Variants in CELSR3 observed in about 807,000 individuals in gnomAD.
The protein encoded by CELSR3 is cadherin EGF LAG seven-pass G-type receptor 3, also known as EGF-like protein 1.
Under a neutral mutation model 270.0 loss-of-function variants are expected in CELSR3, and 73 were observed. The ratio of observed to expected loss-of-function variants is 0.27; its 90% confidence interval spans 0.22 to 0.33. The LOEUF (loss-of-function observed/expected upper bound fraction) is 0.33. Among genes scored for constraint, CELSR3 ranks in the 10% least tolerant of loss-of-function variants. CELSR3 has a pLI of 1.00. For missense variants in CELSR3, 3,614 were observed against 4,533.8 expected, an observed-to-expected ratio of 0.80 and a Z score of 5.83; for synonymous variants, 1,780 against 1,905.4, an observed-to-expected ratio of 0.93 and a Z score of 1.71.
Position 48,637,610 on chromosome 3 carries a change from A to C in CELSR3, c.*595T>G, listed in dbSNP as rs2046983894. 6.5e-6 allele frequency: 1 copy of C among 154,434 alleles called. No individual in the cohort carries two copies. Among genetic ancestry groups the C allele is most frequent in the Admixed American group, 6.3e-5 (1 of 15,776 alleles). 9.6% of individuals were successfully genotyped at this position (154,434 alleles called of 1,614,324 possible). ...CTCCACATAATAAACACACACATCC[A>C]CCAGGAGGGGCGGTATGAGCAAGCC... On this transcript the variant is annotated 3_prime_UTR_variant, in exon 35 of 35. Transcript: ENST00000164024.
At position 48,648,392 on chromosome 3, in the gene CELSR3, G is replaced by C; in HGVS notation, c.6847C>G (p.Arg2283Gly). 1.9e-6 allele frequency: 3 copies of C among 1,609,556 alleles called. No individual in the cohort carries two copies. Among genetic ancestry groups the C allele is most frequent in the Non-Finnish European group, 2.5e-6 (3 of 1,178,720 alleles). Residue 2283 changes from arginine to glycine, a missense_variant, in exon 19 of 35, where the codon CGG (arginine) becomes GGG (glycine). Around this residue, in one of 7 missense-constraint regions of CELSR3, gnomAD observed 1,331 missense variants for 1,933.7 expected, o/e 0.69. Coordinates refer to ENST00000164024, the MANE Select transcript of CELSR3 (RefSeq NM_001407.3). ...TGDLWAALGQ[R>G]APGGSPGSAG... ...CTGCCTGGGGAGCCCCCAGGGGCCC[G>C]CTGCCCCAGCGCCGCCCACAAGTCC...
In CELSR3 at chr3:48,652,499, C is replaced by T. The variant is rs763746044; in HGVS notation, c.5689G>A (p.Val1897Met). The change falls in exon 11 of 35, where the codon GTG (valine) becomes ATG (methionine). Residue 1897 changes from valine (V) to methionine (M), a missense_variant. By Grantham distance (21) the Val-to-Met change is conservative. This residue lies in a region of CELSR3 where 1,331 missense variants were observed against 1,933.7 expected (regional missense o/e 0.69). Transcript: ENST00000164024. The surrounding 1 kb of genome is among the most constrained non-coding windows in gnomAD (Gnocchi z 4.3). ...GCACTGCCGGGGGGCAGGCCTCCCACGTGGAGCTGCTTTACCTTCAGGCCC... is the reference window on the plus strand; with the variant it reads ...GCACTGCCGGGGGGCAGGCCTCCCATGTGGAGCTGCTTTACCTTCAGGCCC... ...LQGLKVKQLH[V>M]GGLPPGSAEE... is the part of the protein sequence containing the mutation. 14 of 1,613,538 alleles carry T rather than the reference C, an allele frequency of 8.7e-6. No individual in the cohort carries two copies. The East Asian group carries it at 1.3e-4, about 15-fold the overall frequency.
At position 48,642,884 on chromosome 3, in the gene CELSR3, C is replaced by T; in HGVS notation, c.8407G>A (p.Gly2803Arg). The change falls in exon 30 of 35, where the codon GGA becomes AGA. Residue 2803 changes from glycine (G) to arginine (R), a missense_variant and splice_region_variant. By Grantham distance (125) the Gly-to-Arg change is moderately radical. Around this residue, in one of 7 missense-constraint regions of CELSR3, gnomAD observed 1,240 missense variants for 1,351.7 expected, o/e 0.92. Coordinates refer to ENST00000164024, the MANE Select transcript of CELSR3 (RefSeq NM_001407.3). This position sits in a 1 kb window ranked among gnomAD's most constrained non-coding sequence, Gnocchi z 6.1. ...GCCGTGTTGTTGTAGGCCCCAGGTC[C>T]CTGGGGGTGGTAGGGACAGAGTGTG... ...PEEARPAPGL[G>R]PGAYNNTALF... The T allele has an allele frequency of 6.2e-7, 1 of 1,613,006 alleles. No homozygotes were observed. Among genetic ancestry groups the T allele is most frequent in the Non-Finnish European group, 8.5e-7 (1 of 1,179,892 alleles).
chr3:48,656,398 G>T (rs2077022477), intron 2 of CELSR3, 33 bp from the exon 3 acceptor site: 1 of 1,387,644 alleles, frequency 7.2e-7, no homozygotes, highest in Non-Finnish European at 9.3e-7. Context: ...AGGCGGTCAC[G>T]CCCACGCCCG....
In CELSR3 at chr3:48,650,505, T is replaced by G; in HGVS notation, c.6447A>C (p.Thr2149=). 4 of 1,519,710 alleles carry G rather than the reference T, an allele frequency of 2.6e-6. No individual in the cohort carries two copies. The East Asian group carries it at 1.1e-4, about 41-fold the overall frequency. The allele number at this position is 1,519,710 out of a possible 1,614,324, so 94.1% of individuals were successfully genotyped here. ...WPQTKFGVLA[T]VPCPRGALGA... ...CCAGGGCCCCCCGGGGACAGGGCAC[T>G]GTGGCCAGGACGCCAAACTTTGTCT... The change falls in exon 16 of 35, where the codon ACA becomes ACC. Residue 2149 remains threonine, a synonymous_variant. Transcript: ENST00000164024. This position sits in a 1 kb window ranked among gnomAD's most constrained non-coding sequence, Gnocchi z 5.1.
Position 48,651,187 on chromosome 3 carries a change from G to T in CELSR3, c.6187-112C>A. 7.0e-7 allele frequency: 1 copy of T among 1,432,004 alleles called. No homozygotes were observed. Among genetic ancestry groups the T allele is most frequent in the Non-Finnish European group, 9.6e-7 (1 of 1,044,120 alleles). 88.7% of individuals were successfully genotyped at this position (1,432,004 alleles called of 1,614,324 possible). A position where few individuals can be genotyped will look rare whatever the true frequency, so the allele number is the denominator to read the frequency against. ...TGCTCATGGGCCAGAGGACACCTGG[G>T]TCATGCGTGAAGCCAAGGGAGGGGT... On this transcript the variant is annotated intron_variant, in intron 14 of 34. Coordinates refer to ENST00000164024, the MANE Select transcript of CELSR3 (RefSeq NM_001407.3). This position sits in a 1 kb window ranked among gnomAD's most constrained non-coding sequence, Gnocchi z 7.4.
At position 48,642,244 on chromosome 3, in the gene CELSR3, C is replaced by T. The variant is rs1214336742; in HGVS notation, c.8665+114G>A. ...GTAGGTGCCTCCTGAGGCAGGGACC[C>T]TGGGGGAGATCGTCCCACCCCAGTC... is the stretch of plus-strand genomic sequence containing the variant. On this transcript the variant is annotated intron_variant, in intron 31 of 34. Transcript: ENST00000164024. This position sits in a 1 kb window ranked among gnomAD's most constrained non-coding sequence, Gnocchi z 6.1. 4.2e-6 allele frequency: 5 copies of T among 1,190,270 alleles called. No individual in the cohort carries two copies. Among genetic ancestry groups the T allele is most frequent in the Non-Finnish European group, 5.8e-6 (5 of 859,044 alleles). The allele number at this position is 1,190,270 out of a possible 1,614,324, so 73.7% of individuals were successfully genotyped here.
chr3:48,644,929 T>C lies in CELSR3; in HGVS notation c.7973-101A>G, dbSNP rs2047065209. On this transcript the variant is annotated intron_variant, in intron 25 of 34. Transcript: ENST00000164024. The surrounding 1 kb of genome is among the most constrained non-coding windows in gnomAD (Gnocchi z 4.8). Reference sequence around the variant, plus strand: ...GGGTGAGGGCAGAGCAGCAACCCCATGAATAGATGGCTTGGGGTTTGAGGT... The same window carrying C: ...GGGTGAGGGCAGAGCAGCAACCCCACGAATAGATGGCTTGGGGTTTGAGGT... 6.6e-7 allele frequency: 1 copy of C among 1,507,402 alleles called. No homozygotes were observed. The highest frequency in any genetic ancestry group is 2.3e-5 in the East Asian group (1 of 43,418). The allele number at this position is 1,507,402 out of a possible 1,614,324, so 93.4% of individuals were successfully genotyped here.
Position 48,651,998 on chromosome 3 carries a change from G to C in CELSR3, c.5802C>G (p.Pro1934=), listed in dbSNP as rs372105067. 1.6e-5 allele frequency: 25 copies of C among 1,587,120 alleles called. No homozygotes were observed. Among genetic ancestry groups the C allele is most frequent in the East Asian group, 2.2e-5 (1 of 44,606 alleles). The change falls in exon 12 of 35, where the codon CCC becomes CCG. Residue 1934 remains proline (P), a synonymous_variant. Transcript: ENST00000164024. The surrounding 1 kb of genome is among the most constrained non-coding windows in gnomAD (Gnocchi z 7.4). The stretch of plus-strand genomic sequence containing the variant: ...CAGGCTCCGCATTCACTCGGTGGCT[G>C]GGGGGTAGCAGGGCCGGGGAGCCAG... ...TPSGSPALLP[P]SHRVNAEPGC... is the part of the protein sequence containing the mutation.
In CELSR3 at chr3:48,653,855, T is replaced by A. The variant is rs764451116; in HGVS notation, c.5278+23A>T. The stretch of plus-strand genomic sequence containing the variant: ...GAACAGATCTGACCCTGCAGGCCCC[T>A]CTGCCCCATGCTGCCCACTTACTAA... On this transcript the variant is annotated intron_variant, in intron 8 of 34. Transcript: ENST00000164024. This position sits in a 1 kb window ranked among gnomAD's most constrained non-coding sequence, Gnocchi z 6.5. 5 of 1,612,926 alleles carry A rather than the reference T, an allele frequency of 3.1e-6. No individual in the cohort carries two copies. The highest frequency in any genetic ancestry group is 3.4e-6 in the Non-Finnish European group (4 of 1,179,104).
At position 48,636,741 on chromosome 3, in the gene CELSR3, G is replaced by A. The variant is rs2046971527; in HGVS notation, c.*1464C>T. 6.6e-6 allele frequency: 1 copy of A among 152,204 alleles called. No individual in the cohort carries two copies. 9.4% of individuals were successfully genotyped at this position (152,204 alleles called of 1,614,324 possible). Reference sequence around the variant, plus strand: ...AATCTCCCAGGAAGCTGCTTCCCAAGAGTATGCATGGGGTGGTGGGTGAGG... The same window carrying A: ...AATCTCCCAGGAAGCTGCTTCCCAAAAGTATGCATGGGGTGGTGGGTGAGG... On this transcript the variant is annotated 3_prime_UTR_variant, in exon 35 of 35. Coordinates refer to ENST00000164024, the MANE Select transcript of CELSR3 (RefSeq NM_001407.3).
rs1575540067 is a variant in CELSR3, at chr3:48,645,654, A to G, written c.7591-5T>C. 1 of 1,606,952 alleles carries G rather than the reference A, an allele frequency of 6.2e-7. No homozygotes were observed. Among genetic ancestry groups the G allele is most frequent in the Non-Finnish European group, 8.5e-7 (1 of 1,175,124 alleles). On this transcript the variant is annotated splice_polypyrimidine_tract_variant and splice_region_variant and intron_variant, in intron 23 of 34. Transcript: ENST00000164024. The surrounding 1 kb of genome is among the most constrained non-coding windows in gnomAD (Gnocchi z 5.4). ...CTCCAGGTCGCCCTCCAGCCTCTAC[A>G]GAGACAGGGATGGTTGATGGGTTGT...
Position 48,656,691 on chromosome 3 carries a change from T to G in CELSR3, c.4399+7A>C, listed in dbSNP as rs764647536. The G allele has an allele frequency of 6.8e-7, 1 of 1,475,534 alleles. No homozygotes were observed. The highest frequency in any genetic ancestry group is 8.9e-7 in the Non-Finnish European group (1 of 1,120,182). 91.4% of individuals were successfully genotyped at this position (1,475,534 alleles called of 1,614,324 possible). On this transcript the variant is annotated splice_region_variant and intron_variant, in intron 2 of 34. Transcript: ENST00000164024. ...TTCCCCCAGCTCTGGCCCGGCGCCC[T>G]GCTCACCGGTGAAGCGCGGGCGGCA...
chr3:48,642,269 C>A lies in CELSR3; in HGVS notation c.8665+89G>T. 7.2e-7 allele frequency: 1 copy of A among 1,384,000 alleles called. No homozygotes were observed. 85.7% of individuals were successfully genotyped at this position (1,384,000 alleles called of 1,614,324 possible). A position where few individuals can be genotyped will look rare whatever the true frequency, so the allele number is the denominator to read the frequency against. On this transcript the variant is annotated intron_variant, in intron 31 of 34. Coordinates refer to ENST00000164024, the MANE Select transcript of CELSR3 (RefSeq NM_001407.3). The surrounding 1 kb of genome is among the most constrained non-coding windows in gnomAD (Gnocchi z 6.1). The stretch of plus-strand genomic sequence containing the variant: ...CTGGGGGAGATCGTCCCACCCCAGT[C>A]AGCCACTGCTCCCAGTATGGGGTAG...
rs890867880 is a variant in CELSR3 at position 48,655,971 on chromosome 3, G to A, written c.4626-120C>T. On this transcript the variant is annotated intron_variant, in intron 3 of 34. Transcript: ENST00000164024. The surrounding 1 kb of genome is among the most constrained non-coding windows in gnomAD (Gnocchi z 5.8). ...GAGAGAGGAAGCGACGAGGGACGGC[G>A]GGACCGACCGGGGGGACGCGGGTGC... 3 of 1,121,258 alleles carry A rather than the reference G, an allele frequency of 2.7e-6. No individual in the cohort carries two copies. The African/African-American group carries it at 4.6e-5, about 17-fold the overall frequency. The allele number at this position is 1,121,258 out of a possible 1,614,324, so 69.5% of individuals were successfully genotyped here.
chr3:48,645,753 A>G lies in CELSR3; in HGVS notation c.7579T>C (p.Ser2527Pro), dbSNP rs768932988. 6.2e-7 allele frequency: 1 copy of G among 1,609,250 alleles called. No individual in the cohort carries two copies. The highest frequency in any genetic ancestry group is 1.1e-5 in the South Asian group (1 of 91,002). Residue 2527 changes from serine (S) to proline (P), a missense_variant, in exon 23 of 35, where the codon TCT becomes CCT. Physicochemically the swap from Ser to Pro is moderately conservative, Grantham distance 74 (BLOSUM62 -1). This residue lies in a region of CELSR3 where 1,240 missense variants were observed against 1,351.7 expected (regional missense o/e 0.92). Coordinates refer to ENST00000164024, the MANE Select transcript of CELSR3 (RefSeq NM_001407.3). The surrounding 1 kb of genome is among the most constrained non-coding windows in gnomAD (Gnocchi z 5.4). ...GAACACAGCCCCACCTCACGGGGAG[A>G]GGCATCCATGAGGACCCCAAAGGTC... ...TGTFGVLMDA[S>P]PRERLEGDLE...
chr3:48,643,184 G>T, intron 28 of CELSR3, 101 bp from the exon 29 acceptor site: 1 of 800,654 alleles, frequency 1.2e-6, no homozygotes, highest in Non-Finnish European at 2.1e-6. Context: ...GTAGGCTAGT[G>T]TGGGTCAGTG....
chr3:48,642,408 G>A lies in CELSR3; in HGVS notation c.8615C>T (p.Ala2872Val). 2 of 1,613,334 alleles carry A rather than the reference G, an allele frequency of 1.2e-6. No homozygotes were observed. The highest frequency in any genetic ancestry group is 1.7e-6 in the Non-Finnish European group (2 of 1,179,940). ...GTCCAGGTCAGTGGGGCCAGCATGA[G>A]CCTGGAGGCTGTGGTCAGTGTGGTC... The part of the protein sequence containing the change: ...AADHTDHSLQ[A>V]HAGPTDLDVA... Residue 2872 changes from alanine to valine, a missense_variant, in exon 31 of 35, where the codon GCT becomes GTT. By Grantham distance (64) the Ala-to-Val change is moderately conservative. Transcript: ENST00000164024. The surrounding 1 kb of genome is among the most constrained non-coding windows in gnomAD (Gnocchi z 6.1).
Position 48,645,480 on chromosome 3 carries a change from A to C in CELSR3, c.7760T>G (p.Leu2587Arg). 6.2e-7 allele frequency: 1 copy of C among 1,612,790 alleles called. No homozygotes were observed. Among genetic ancestry groups the C allele is most frequent in the Non-Finnish European group, 8.5e-7 (1 of 1,180,010 alleles). Residue 2587 changes from leucine (L) to arginine (R), a missense_variant, in exon 24 of 35, where the codon CTC becomes CGC. By Grantham distance (102) the Leu-to-Arg change is moderately radical. This residue lies in a region of CELSR3 where 1,240 missense variants were observed against 1,351.7 expected (regional missense o/e 0.92). Transcript: ENST00000164024. This position sits in a 1 kb window ranked among gnomAD's most constrained non-coding sequence, Gnocchi z 5.4. ...CCTGTGAATCCCCAGCAGGAAGAGG[A>C]GCTCTGCCACCCCCAGGGCGGCTGC... is the stretch of plus-strand genomic sequence containing the variant. Reference protein sequence around the residue: ...NVAAALGVAELLFLLGIHRTH... With the variant: ...NVAAALGVAERLFLLGIHRTH...
Sources: allele counts gnomAD v4.1 joint callset, GRCh38; gene constraint gnomAD v4.1.1; regional missense constraint gnomAD v4.1.1; non-coding constraint Gnocchi (gnomAD v3.1); transcripts MANE v1.5; gene names NCBI Gene and HGNC (gene_info 2026-07-23, HGNC 2026-07-21).